RIMBP2: variants seen among roughly 807,000 people sequenced by gnomAD.
RIMBP2 encodes the protein RIMS binding protein 2, also known as RIMS-binding protein 2.
Under a neutral mutation model 118.6 loss-of-function variants are expected in RIMBP2, and 48 were observed. The observed-to-expected ratio is 0.40, with a 90% CI of 0.32 to 0.51. RIMBP2 has a LOEUF of 0.51. RIMBP2 is among the 20% of genes least tolerant of loss of function. The probability of loss-of-function intolerance (pLI) is 0.41; values close to 1 mark genes in which losing one functional copy is unlikely to be tolerated. For missense variants in RIMBP2, 1,551 were observed against 1,768.3 expected, an observed-to-expected ratio of 0.88 and a Z score of 2.20; for synonymous variants, 762 against 742.9, an observed-to-expected ratio of 1.03 and a Z score of -0.42.
intron 2 of RIMBP2, among the ~76,000 whole-genome samples, chr12:130,599,859 A>G (rs1167384718): frequency 6.6e-6 from 1 of 152,242 alleles, no homozygotes; most frequent in Non-Finnish European, 1.5e-5. Context: ...CAAATCACTA[A>G]GCTAAAGGTA....
In RIMBP2 at chr12:130,700,382, C is replaced by G. The variant is rs7299881; in HGVS notation, c.-352+15840G>C. ...CGGCAGTGGACTGAGGAATGTCCCCCGAGAATCACGTTCACTCGAGACCTC... is the reference window on the plus strand; with the variant it reads ...CGGCAGTGGACTGAGGAATGTCCCCGGAGAATCACGTTCACTCGAGACCTC... On this transcript the variant is annotated intron_variant, in intron 1 of 22. Coordinates refer to ENST00000690449, the MANE Select transcript of RIMBP2 (RefSeq NM_001393629.1). Among the ~76,000 whole-genome samples, 241 of 152,266 alleles carry G rather than the reference C, an allele frequency of 1.6e-3. 2 individuals carry two copies. Among genetic ancestry groups the G allele is most frequent in the Middle Eastern group, 0.01 (3 of 294 alleles).
chr12:130,465,630 A>C (rs57845202), intron 6 of RIMBP2: 3,176 of 152,230 alleles, frequency 0.021, 92 homozygotes, highest in East Asian at 0.16. Context: ...CCGATTGCCT[A>C]ATCAGCAAAA....
intron 2 of RIMBP2, among the ~76,000 whole-genome samples, chr12:130,609,047 C>T (rs2060350190): frequency 6.6e-6 from 1 of 152,112 alleles, no homozygotes; most frequent in South Asian, 2.1e-4. Context: ...CTGTGCCTGA[C>T]TGATGACTTA....
intron 2 of RIMBP2, among the ~76,000 whole-genome samples, chr12:130,627,171 C>G (rs1160207594): frequency 6.6e-6 from 1 of 152,234 alleles, no homozygotes; most frequent in Non-Finnish European, 1.5e-5. Flanking sequence ...TCACCATCTC[C>G]TCCACCACCA....
chr12:130,442,079 G>A lies in RIMBP2; in HGVS notation c.1273C>T (p.Gln425Ter), dbSNP rs1428874705. 6.2e-7 allele frequency: 1 copy of A among 1,614,182 alleles called. No homozygotes were observed. The highest frequency in any genetic ancestry group is 1.1e-5 in the South Asian group (1 of 91,084). Residue 425 changes from glutamine to a stop codon, truncating the protein, a stop_gained, in exon 11 of 23, where the codon CAG becomes TAG. Transcript: ENST00000690449. LOFTEE classifies it high-confidence loss of function. This position sits in a 1 kb window ranked among gnomAD's most constrained non-coding sequence, Gnocchi z 6.9. ...RVDNITQISA[Q>*]LSWLPTNSNY... ...CTGTTGGTGGGTAGCCAGGAGAGCT[G>A]GGCGGAGATCTGCGTGATGTTGTCC...
At chr12:130,421,901 T>G (rs2076438975) in intron 17 of RIMBP2, among the ~76,000 whole-genome samples, 1 of 152,134 alleles carries the variant, frequency 6.6e-6, no homozygotes. Flanking sequence ...TTCCAAAAAG[T>G]CAGGAAGAGA....
At chr12:130,466,442 G>T (rs1258726513) in intron 6 of RIMBP2, 1 of 152,158 alleles carries the variant, frequency 6.6e-6, no homozygotes, top group East Asian at 1.9e-4. Context: ...CTTCCCCATT[G>T]CCACCAAAAC....
intron 1 of RIMBP2, among the ~76,000 whole-genome samples, chr12:130,662,181 T>G (rs140832016): frequency 0.014 from 2,013 of 146,914 alleles, 28 homozygotes; most frequent in East Asian, 0.067. Context: ...AATTTCACCC[T>G]CAATCCAGCC....
intron 1 of RIMBP2, among the ~76,000 whole-genome samples, chr12:130,713,641 G>A (rs923645361): frequency 1.3e-5 from 2 of 152,186 alleles, no homozygotes; most frequent in Admixed American, 6.5e-5. Flanking sequence ...AGCACCACGC[G>A]GATTCCAAAC....
At chr12:130,556,500 G>A (rs1335688700) in intron 2 of RIMBP2, among the ~76,000 whole-genome samples, 2 of 152,226 alleles carry the variant, frequency 1.3e-5, no homozygotes, top group East Asian at 3.9e-4. Flanking sequence ...ACAATGTAGA[G>A]GGGCATGGGC....
chr12:130,480,198 T>TACACACACACACAC (rs10580090), intron 4 of RIMBP2, among the ~76,000 whole-genome samples: 6 of 128,180 alleles, frequency 4.7e-5, no homozygotes, highest in African/African-American at 1.7e-4. Flanking sequence ...TTTCCTTTCA[T>TACACACACACACAC]ACACACACAC....
chr12:130,421,363 C>T (rs2076393395), intron 17 of RIMBP2, among the ~76,000 whole-genome samples: 1 of 152,174 alleles, frequency 6.6e-6, no homozygotes, highest in Non-Finnish European at 1.5e-5. Flanking sequence ...TTTAACATTG[C>T]ATGAAATTTT....
chr12:130,455,198 C>T (rs2079323119), intron 7 of RIMBP2, among the ~76,000 whole-genome samples: 1 of 152,244 alleles, frequency 6.6e-6, no homozygotes, highest in Non-Finnish European at 1.5e-5. Context: ...ATTCTGTTTT[C>T]CCCTGGGAAG....
rs547935009 is a variant in RIMBP2 at position 130,434,694 on chromosome 12, G to A, written c.2253+40C>T. ...TCCACGGGGCCCGCTCCGAGCCCGC[G>A]CCCACCAGGAGGATGGTGTGGGGCC... is the stretch of plus-strand genomic sequence containing the variant. On this transcript the variant is annotated intron_variant, in intron 14 of 22. Transcript: ENST00000690449. This position sits in a 1 kb window ranked among gnomAD's most constrained non-coding sequence, Gnocchi z 5.7. 57 of 1,584,698 alleles carry A rather than the reference G, an allele frequency of 3.6e-5. No homozygotes were observed. The highest frequency in any genetic ancestry group is 1.4e-4 in the East Asian group (6 of 43,992).
In RIMBP2 at chr12:130,399,779, G is replaced by A; in HGVS notation, c.3800C>T (p.Ser1267Leu). 6.2e-7 allele frequency: 1 copy of A among 1,614,192 alleles called. No individual in the cohort carries two copies. Among genetic ancestry groups the A allele is most frequent in the Non-Finnish European group, 8.5e-7 (1 of 1,180,012 alleles). The change falls in exon 22 of 23, where the codon TCA (serine) becomes TTA (leucine). Residue 1267 changes from serine to leucine, a missense_variant. Around this residue, in one of 5 missense-constraint regions of RIMBP2, gnomAD observed 1,038 missense variants for 1,125.1 expected, o/e 0.92. Transcript: ENST00000690449. The part of the protein sequence containing the change: ...ELNGQKGLVP[S>L]NFLEEVPDDV... Reference sequence around the variant, plus strand: ...ATCAGGCACTTCTTCCAAGAAGTTTGAGGGCACAAGGCCTTTCTGCCCATT... The same window carrying A: ...ATCAGGCACTTCTTCCAAGAAGTTTAAGGGCACAAGGCCTTTCTGCCCATT...
intron 1 of RIMBP2, among the ~76,000 whole-genome samples, chr12:130,673,772 T>G (rs1362005254): frequency 2.0e-5 from 3 of 152,098 alleles, no homozygotes; most frequent in East Asian, 1.9e-4. Context: ...TTTGGTGCTC[T>G]TCTTATGATA....
chr12:130,703,899 C>T lies in RIMBP2; in HGVS notation c.-352+12323G>A, dbSNP rs1053732788. Among the ~76,000 whole-genome samples, 20 of 152,036 alleles carry T rather than the reference C, an allele frequency of 1.3e-4. No individual in the cohort carries two copies. Among genetic ancestry groups the T allele is most frequent in the African/African-American group, 4.3e-4 (18 of 41,404 alleles). ...GAACGCAGCGCAGAGGTCTGGGGCCCGACCACCCTGGGAGGCAGTGCCCCA... is the reference window on the plus strand; with the variant it reads ...GAACGCAGCGCAGAGGTCTGGGGCCTGACCACCCTGGGAGGCAGTGCCCCA... On this transcript the variant is annotated intron_variant, in intron 1 of 22. Transcript: ENST00000690449. This position sits in a 1 kb window ranked among gnomAD's most constrained non-coding sequence, Gnocchi z 5.7.
chr12:130,400,510 GCCTA>G (rs1185596910), intron 21 of RIMBP2, among the ~76,000 whole-genome samples: 3 of 152,116 alleles, frequency 2.0e-5, no homozygotes, highest in Non-Finnish European at 4.4e-5. Flanking sequence ...TGGCTCACAG[GCCTA>G]CCACGTCACT....
chr12:130,567,673 C>T (rs1030326099), intron 2 of RIMBP2, among the ~76,000 whole-genome samples: 3 of 152,202 alleles, frequency 2.0e-5, no homozygotes, highest in Non-Finnish European at 2.9e-5. Flanking sequence ...CATCACATAT[C>T]CCCCTGGGCA....
Sources: gnomAD v4.1 joint callset for allele counts (sites outside exome capture counted in the v4.1 genomes callset) on GRCh38, gnomAD v4.1.1 for gene constraint, gnomAD v4.1.1 regional missense constraint, Gnocchi (gnomAD v3.1) non-coding constraint, MANE v1.5 for transcripts, NCBI Gene and HGNC (gene_info 2026-07-23, HGNC 2026-07-21) for gene names.